Variants in SIMC1 observed in about 807,000 individuals in gnomAD.
SIMC1 encodes SUMO-interacting motif-containing protein 1.
In SIMC1, 55 loss-of-function variants were observed where a neutral mutation model predicts 82.3. The ratio of observed to expected loss-of-function variants is 0.67; its 90% CI spans 0.54 to 0.84. The LOEUF is 0.84. Among genes scored for constraint, SIMC1 ranks in the 40% least tolerant of loss-of-function variants. SIMC1 has a pLI of 0.00. For missense variants in SIMC1, 915 were observed against 1,107.2 expected, an observed-to-expected ratio of 0.83 and a Z score of 2.46; for synonymous variants, 353 against 426.3, an observed-to-expected ratio of 0.83 and a Z score of 2.12.
At chr5:176,307,692 C>T (rs1211544206) in intron 4 of SIMC1, among the ~76,000 whole-genome samples, 7 of 152,192 alleles carry the variant, frequency 4.6e-5, no homozygotes, top group East Asian at 1.9e-4. Context: ...TAAGCCACCA[C>T]GCCTGGCCTT....
intron 1 of SIMC1, among the ~76,000 whole-genome samples, chr5:176,249,578 C>T (rs1006091755): frequency 2.6e-5 from 4 of 151,842 alleles, no homozygotes; most frequent in East Asian, 1.9e-4. Flanking sequence ...TGGTGGCTCA[C>T]GCCTGTAATC....
At chr5:176,257,587 A>G (rs1386514604) in intron 1 of SIMC1, among the ~76,000 whole-genome samples, 1 of 152,206 alleles carries the variant, frequency 6.6e-6, no homozygotes, top group Admixed American at 6.5e-5. Context: ...GCACCAAGCC[A>G]TGAGGGATAT....
chr5:176,282,245 A>G (rs113644298), intron 1 of SIMC1, among the ~76,000 whole-genome samples: 2 of 152,302 alleles, frequency 1.3e-5, no homozygotes, highest in East Asian at 3.9e-4. Flanking sequence ...CAGGTGCAGG[A>G]TATAATCTCC....
intron 1 of SIMC1, among the ~76,000 whole-genome samples, chr5:176,244,866 C>A (rs1406097386): frequency 6.6e-6 from 1 of 151,696 alleles, no homozygotes; most frequent in Non-Finnish European, 1.5e-5. Context: ...GGATTACAGG[C>A]ATGTGCCACC....
intron 5 of SIMC1, among the ~76,000 whole-genome samples, chr5:176,315,483 G>A (rs995581276): frequency 6.6e-6 from 1 of 152,138 alleles, no homozygotes; most frequent in Non-Finnish European, 1.5e-5. Flanking sequence ...TATCAGATGG[G>A]TTTATCCAGA....
chr5:176,243,382 G>A (rs1269322928), intron 1 of SIMC1, among the ~76,000 whole-genome samples: 2 of 152,164 alleles, frequency 1.3e-5, no homozygotes, highest in Non-Finnish European at 2.9e-5. Context: ...AACGACTGAT[G>A]GACAGAGTCA....
In SIMC1 at chr5:176,290,612, T is replaced by A. The variant is rs1213983582; in HGVS notation, c.1088T>A (p.Ile363Asn). 1 of 1,613,824 alleles carries A rather than the reference T, an allele frequency of 6.2e-7. No individual in the cohort carries two copies. The highest frequency in any genetic ancestry group is 8.5e-7 in the Non-Finnish European group (1 of 1,179,904). The change falls in exon 2 of 10, where the codon ATC becomes AAC. Residue 363 changes from isoleucine to asparagine, a missense_variant. Around this residue, in one of 2 missense-constraint regions of SIMC1, gnomAD observed 902 missense variants for 1,040.3 expected, o/e 0.87. Transcript: ENST00000429602. ...SGDVTHSPRD[I>N]PHLPGDRPDF... The stretch of plus-strand genomic sequence containing the variant: ...GACGTGACACACTCACCTAGAGACA[T>A]CCCTCACTTACCAGGAGACAGGCCT...
intron 7 of SIMC1, among the ~76,000 whole-genome samples, chr5:176,331,239 A>G (rs896458081): frequency 4.6e-5 from 7 of 152,002 alleles, no homozygotes; most frequent in Non-Finnish European, 8.8e-5. Flanking sequence ...GCATGGTGGC[A>G]GGCCCCTGTA....
chr5:176,277,350 C>T (rs1441317858), intron 1 of SIMC1, among the ~76,000 whole-genome samples: 1 of 151,622 alleles, frequency 6.6e-6, no homozygotes, highest in Non-Finnish European at 1.5e-5. Context: ...GGATATTAGC[C>T]CTTTGTCTGA....
At chr5:176,306,271 C>T (rs1252467210) in intron 4 of SIMC1, among the ~76,000 whole-genome samples, 4 of 125,584 alleles carry the variant, frequency 3.2e-5, no homozygotes, top group Middle Eastern at 4.2e-3. Flanking sequence ...GGCCAGCCGC[C>T]CCGTCCGGGA....
At chr5:176,325,043 T>C (rs1213286386) in intron 7 of SIMC1, among the ~76,000 whole-genome samples, 2 of 152,184 alleles carry the variant, frequency 1.3e-5, no homozygotes, top group South Asian at 2.1e-4. Context: ...CTAAATTTTC[T>C]AACCTTATCA....
At chr5:176,268,241 C>T (rs1762279784) in intron 1 of SIMC1, among the ~76,000 whole-genome samples, 1 of 98,354 alleles carries the variant, frequency 1.0e-5, no homozygotes, top group South Asian at 4.1e-4. Context: ...AAAAGAGGGA[C>T]AATGAAACAA....
intron 2 of SIMC1, among the ~76,000 whole-genome samples, chr5:176,294,744 C>T (rs1763729653): frequency 6.6e-6 from 1 of 151,720 alleles, no homozygotes; most frequent in Non-Finnish European, 1.5e-5. Context: ...AGGCAAATCA[C>T]GAGGTCAGGA....
At chr5:176,343,886 C>T (rs370588001) in intron 9 of SIMC1, among the ~76,000 whole-genome samples, 5 of 151,984 alleles carry the variant, frequency 3.3e-5, no homozygotes, top group Admixed American at 6.6e-5. Context: ...CTCCACCTCC[C>T]GGGTTCAAGC....
At chr5:176,325,099 G>A (rs1331872383) in intron 7 of SIMC1, among the ~76,000 whole-genome samples, 3 of 152,138 alleles carry the variant, frequency 2.0e-5, no homozygotes, top group Non-Finnish European at 2.9e-5. Context: ...AACTGTTAAG[G>A]GTGGGTGCAG....
intron 9 of SIMC1, among the ~76,000 whole-genome samples, chr5:176,341,251 A>G (rs1167601665): frequency 2.0e-5 from 3 of 152,274 alleles, no homozygotes. Flanking sequence ...GCCTTGAGGC[A>G]AAAAGATGCT....
rs188982823 is a variant in SIMC1, at chr5:176,316,620, T to C, written c.1889+2775T>C. On this transcript the variant is annotated intron_variant, in intron 5 of 9. Coordinates refer to ENST00000429602, the MANE Select transcript of SIMC1 (RefSeq NM_001308195.2). ...AGGAGAATTGCTTGAACCCAGGAGG[T>C]AGAGGTTGCAGTGAGCTGAGATCGC... 3.8e-3 allele frequency among the ~76,000 whole-genome samples: 557 copies of C among 145,486 alleles called. 3 individuals carry two copies. Among genetic ancestry groups the C allele is most frequent in the African/African-American group, 0.014 (529 of 38,920 alleles).
chr5:176,287,678 C>T (rs1763355949), intron 1 of SIMC1, among the ~76,000 whole-genome samples: 1 of 145,852 alleles, frequency 6.9e-6, no homozygotes. Flanking sequence ...TAAGCAAACA[C>T]TTAAAAAAAT....
At chr5:176,300,943 C>G (rs777281895) in intron 4 of SIMC1, among the ~76,000 whole-genome samples, 41 of 152,126 alleles carry the variant, frequency 2.7e-4, no homozygotes, top group Non-Finnish European at 8.8e-5. Context: ...GAGATAGAAT[C>G]AGTAATCAAA....
Sources: allele counts gnomAD v4.1 joint callset (sites outside exome capture counted in the v4.1 genomes callset), GRCh38; gene constraint gnomAD v4.1.1; regional missense constraint gnomAD v4.1.1; transcripts MANE v1.5; gene names NCBI Gene and HGNC (gene_info 2026-07-23, HGNC 2026-07-21).